TTC39A: variants seen among roughly 807,000 people sequenced by gnomAD.
The protein encoded by TTC39A is tetratricopeptide repeat protein 39A.
Under a neutral mutation model 82.3 loss-of-function variants are expected in TTC39A, and 46 were observed. That is an observed-to-expected ratio of 0.56 (90% confidence interval 0.44 to 0.71). TTC39A has a LOEUF of 0.71. Ranked by LOEUF, TTC39A falls within the 30% of genes least tolerant of loss-of-function variation. TTC39A has a pLI of 0.00. For missense variants in TTC39A, 543 were observed against 712.9 expected, an observed-to-expected ratio of 0.76 and a Z score of 2.71; for synonymous variants, 254 against 275.2, an observed-to-expected ratio of 0.92 and a Z score of 0.76.
At chr1:51,309,459 A>G (rs1227571262) in intron 5 of TTC39A, 134 bp from the exon 6 acceptor site, 1 of 1,518,602 alleles carries the variant, frequency 6.6e-7, no homozygotes, top group Non-Finnish European at 8.8e-7. Flanking sequence ...AGGTCAGCCA[A>G]ACCAGGCCTC....
intron 12 of TTC39A, chr1:51,299,120 T>C (rs1644551446): frequency 6.6e-6 from 1 of 152,212 alleles, no homozygotes; most frequent in Admixed American, 6.5e-5. Flanking sequence ...AGTAAGGGAA[T>C]TGATCTAGAT....
intron 16 of TTC39A, 112 bp from the exon 17 acceptor site, chr1:51,289,067 T>A: frequency 1.1e-6 from 1 of 925,490 alleles, no homozygotes; most frequent in Non-Finnish European, 1.7e-6. Flanking sequence ...TACCCAGCCC[T>A]AGAAAGGCTG....
intron 6 of TTC39A, among the ~76,000 whole-genome samples, 175 bp downstream of exon 6, chr1:51,309,086 T>A (rs779252334): frequency 1.3e-5 from 2 of 152,136 alleles, no homozygotes; most frequent in East Asian, 3.9e-4. Flanking sequence ...GCCAGAGGAA[T>A]ATGATTCCAG....
chr1:51,341,009 TA>T (rs1646029627), intron 1 of TTC39A, among the ~76,000 whole-genome samples: 2 of 152,048 alleles, frequency 1.3e-5, no homozygotes, highest in Admixed American at 1.3e-4. Flanking sequence ...CCCTCTCTAC[TA>T]AAAATACAAA....
At chr1:51,334,054 C>T (rs1351861434), upstream of TTC39A, among the ~76,000 whole-genome samples, 5 of 151,944 alleles carry the variant, frequency 3.3e-5, no homozygotes, top group Middle Eastern at 3.2e-3. Context: ...AAGGTTGCTC[C>T]GAGTATTAAG....
chr1:51,344,875 C>G (rs1052586674), intron 1 of TTC39A: 3 of 1,315,974 alleles, frequency 2.3e-6, no homozygotes, highest in Middle Eastern at 1.9e-4. Context: ...GCCCAGCAGC[C>G]ACACACCCTT....
At position 51,294,303 on chromosome 1, in the gene TTC39A, C is replaced by A; in HGVS notation, c.1266+88G>T. On this transcript the variant is annotated intron_variant, in intron 14 of 17. Transcript: ENST00000680483. The surrounding 1 kb of genome is among the most constrained non-coding windows in gnomAD (Gnocchi z 4.3). ...CCCCTGAGGCATGAAGGTCTTTCTC[C>A]TCATCCACCTCCCCCTGGCTGTGGC... 1.3e-6 allele frequency: 2 copies of A among 1,591,178 alleles called. No homozygotes were observed. The highest frequency in any genetic ancestry group is 3.4e-5 in the Admixed American group (2 of 58,722).
At chr1:51,314,203 G>A (rs1360078285) in intron 2 of TTC39A, among the ~76,000 whole-genome samples, 2 of 152,198 alleles carry the variant, frequency 1.3e-5, no homozygotes, top group Non-Finnish European at 2.9e-5. Flanking sequence ...ACATGGAGAA[G>A]GCAACAGGCA....
intron 14 of TTC39A, among the ~76,000 whole-genome samples, chr1:51,293,661 C>T (rs1644305515): frequency 6.6e-6 from 1 of 152,214 alleles, no homozygotes. Context: ...TCCCTTACTA[C>T]TTGAATAACA....
intron 12 of TTC39A, chr1:51,300,953 C>G (rs187569923): frequency 6.6e-6 from 1 of 152,388 alleles, no homozygotes; most frequent in Admixed American, 6.5e-5. Context: ...TTGCCTGTCA[C>G]ATGGAGAGAA....
At chr1:51,308,879 T>G (rs1557719751) in intron 6 of TTC39A, among the ~76,000 whole-genome samples, 1 of 152,192 alleles carries the variant, frequency 6.6e-6, no homozygotes, top group African/African-American at 2.4e-5. Flanking sequence ...GAGGGCTTCA[T>G]GGGGAAAGTG....
chr1:51,292,149 T>TTA (rs1302625275), intron 14 of TTC39A, among the ~76,000 whole-genome samples: 1 of 151,892 alleles, frequency 6.6e-6, no homozygotes, highest in Non-Finnish European at 1.5e-5. Context: ...ACCACTACAC[T>TTA]CCAGCCTGCA....
intron 5 of TTC39A, among the ~76,000 whole-genome samples, chr1:51,310,071 C>G (rs1645027911): frequency 6.6e-6 from 1 of 151,876 alleles, no homozygotes; most frequent in South Asian, 2.1e-4. Context: ...TTGAGACCAG[C>G]CTGGCCAACG....
chr1:51,338,424 C>G (rs1051036557), intron 1 of TTC39A, among the ~76,000 whole-genome samples: 2 of 151,788 alleles, frequency 1.3e-5, no homozygotes, highest in African/African-American at 2.4e-5. Context: ...AGGCAGGTAT[C>G]TTGCATTACA....
At chr1:51,344,954 C>T (rs1646079520) in intron 1 of TTC39A, 1 of 1,526,034 alleles carries the variant, frequency 6.6e-7, no homozygotes, top group African/African-American at 1.4e-5. Context: ...TTGGTCCCGT[C>T]CGCGCCTTCC....
At chr1:51,333,622 A>G (rs1007852720), upstream of TTC39A, among the ~76,000 whole-genome samples, 1 of 152,224 alleles carries the variant, frequency 6.6e-6, no homozygotes, top group African/African-American at 2.4e-5. Flanking sequence ...CCCTCCCTCC[A>G]TAGATGGGTC....
chr1:51,327,783 G>A lies in TTC39A; in HGVS notation c.41+2654C>T, dbSNP rs1006744995. Among the ~76,000 whole-genome samples the A allele has an allele frequency of 4.2e-4, 62 of 148,526 alleles. 1 individual carries two copies. The highest frequency in any genetic ancestry group is 1.6e-3 in the African/African-American group (62 of 39,914). Reference sequence around the variant, plus strand: ...ACTACCTGGGTTCACTGCAACCTCCGCCTCCCGGGTTCAAGAGATTCTCCT... The same window carrying A: ...ACTACCTGGGTTCACTGCAACCTCCACCTCCCGGGTTCAAGAGATTCTCCT... On this transcript the variant is annotated intron_variant, in intron 1 of 17. Coordinates refer to ENST00000680483, the MANE Select transcript of TTC39A (RefSeq NM_001297663.2).
In TTC39A at chr1:51,294,765, G is replaced by C. The variant is rs112788177; in HGVS notation, c.1146-254C>G. On this transcript the variant is annotated intron_variant, in intron 13 of 17. Transcript: ENST00000680483. This position sits in a 1 kb window ranked among gnomAD's most constrained non-coding sequence, Gnocchi z 4.3. Reference sequence around the variant, plus strand: ...CCTCCCCGCCAGCTGGCAGAGATGAGAGTGTGCCAAACACCCCTGGGCCGG... The same window carrying C: ...CCTCCCCGCCAGCTGGCAGAGATGACAGTGTGCCAAACACCCCTGGGCCGG... Among the ~76,000 whole-genome samples the C allele has an allele frequency of 5.6e-3, 850 of 152,312 alleles. 6 individuals carry two copies. The highest frequency in any genetic ancestry group is 0.01 in the Middle Eastern group (3 of 294).
At chr1:51,316,365 C>T (rs1645283781) in intron 2 of TTC39A, among the ~76,000 whole-genome samples, 1 of 152,200 alleles carries the variant, frequency 6.6e-6, no homozygotes, top group Non-Finnish European at 1.5e-5. Context: ...CATACTGGCT[C>T]ATCACTCCCG....
Sources: gnomAD v4.1 joint callset for allele counts (sites outside exome capture counted in the v4.1 genomes callset) on GRCh38, gnomAD v4.1.1 for gene constraint, Gnocchi (gnomAD v3.1) non-coding constraint, MANE v1.5 for transcripts, NCBI Gene and HGNC (gene_info 2026-07-23, HGNC 2026-07-21) for gene names.